IFT80: variants seen among roughly 807,000 people sequenced by gnomAD.
IFT80 encodes the protein intraflagellar transport protein 80 homolog.
Under a neutral mutation model 107.9 loss-of-function variants are expected in IFT80, and 79 were observed. The observed-to-expected ratio is 0.73, with a 90% CI of 0.61 to 0.88. The LOEUF (loss-of-function observed/expected upper bound fraction) is 0.88, where lower values mean the gene tolerates loss of function less well. IFT80 is among the 40% of genes least tolerant of loss of function. IFT80 has a pLI of 0.00. For missense variants in IFT80, 797 were observed against 914.2 expected (o/e 0.87, Z 1.65); for synonymous variants, 299 against 300.9 (o/e 0.99, Z 0.07).
At chr3:160,307,438 T>G (rs570354949) in intron 10 of IFT80, among the ~76,000 whole-genome samples, 1 of 152,334 alleles carries the variant, frequency 6.6e-6, no homozygotes, top group East Asian at 1.9e-4. Flanking sequence ...CATGAGCCAT[T>G]GCGCCTCGCT....
At chr3:160,293,127 T>C (rs1715699967) in intron 12 of IFT80, among the ~76,000 whole-genome samples, 1 of 152,206 alleles carries the variant, frequency 6.6e-6, no homozygotes, top group African/African-American at 2.4e-5. Flanking sequence ...AAATATTACA[T>C]TAATGCTTCA....
intron 6 of IFT80, among the ~76,000 whole-genome samples, chr3:160,360,817 T>C (rs1187485658): frequency 6.6e-6 from 1 of 152,126 alleles, no homozygotes; most frequent in East Asian, 1.9e-4. Context: ...CTGAGAGATT[T>C]TGTCACCACC....
At chr3:160,268,568 T>C (rs1416159035) in intron 18 of IFT80, 32 bp from the exon 19 acceptor site, 10 of 1,608,342 alleles carry the variant, frequency 6.2e-6, no homozygotes, top group South Asian at 4.4e-5. Context: ...ATTATTAACA[T>C]TGTTTGTGTC....
At chr3:160,396,356 A>C (rs927315009) in intron 1 of IFT80, among the ~76,000 whole-genome samples, 1 of 152,112 alleles carries the variant, frequency 6.6e-6, no homozygotes, top group African/African-American at 2.4e-5. Context: ...CATATTAGTT[A>C]ATATCTAATT....
chr3:160,282,425 C>A lies in IFT80; in HGVS notation c.1516+53G>T, dbSNP rs1714754013. The A allele has an allele frequency of 4.2e-6, 5 of 1,190,192 alleles. No homozygotes were observed. In the East Asian group the frequency reaches 1.0e-4, roughly 24 times the overall value. 73.7% of individuals were successfully genotyped at this position (1,190,192 alleles called of 1,614,324 possible). On this transcript the variant is annotated intron_variant, in intron 14 of 19. Coordinates refer to ENST00000326448, the MANE Select transcript of IFT80 (RefSeq NM_020800.3). ...GATTCATTCAAATTATTTATTACAGCAAATATAAGAAAGTTGACAATTAAA... is the reference window on the plus strand; with the variant it reads ...GATTCATTCAAATTATTTATTACAGAAAATATAAGAAAGTTGACAATTAAA...
intron 6 of IFT80, among the ~76,000 whole-genome samples, chr3:160,365,679 G>A (rs932863884): frequency 1.3e-5 from 2 of 152,000 alleles, no homozygotes; most frequent in Admixed American, 1.3e-4. Flanking sequence ...CACTAACTAA[G>A]AGATGTTCTC....
intron 1 of IFT80, among the ~76,000 whole-genome samples, chr3:160,386,807 G>T (rs1460008288): frequency 2.0e-5 from 3 of 152,176 alleles, no homozygotes; most frequent in Admixed American, 6.5e-5. Context: ...GAATATGAAG[G>T]CCAGTATGCC....
rs573764458 is a variant in IFT80, at chr3:160,361,740, C to A, written c.550-4162G>T. On this transcript the variant is annotated intron_variant, in intron 6 of 19. Coordinates refer to ENST00000326448, the MANE Select transcript of IFT80 (RefSeq NM_020800.3). ...AAGAAACTCACTCAAAACCACTCAA[C>A]TACATGGAAACTGAACAACCTGCTC... is the stretch of plus-strand genomic sequence containing the variant. Among the ~76,000 whole-genome samples, 65 of 152,306 alleles carry A rather than the reference C, an allele frequency of 4.3e-4. No individual in the cohort carries two copies. The East Asian group carries it at 0.012, about 28-fold the overall frequency.
At chr3:160,281,140 T>A (rs1354006275) in intron 14 of IFT80, among the ~76,000 whole-genome samples, 2 of 152,178 alleles carry the variant, frequency 1.3e-5, no homozygotes, top group African/African-American at 4.8e-5. Context: ...CAGTGAGGAA[T>A]ACCGTCCCCT....
chr3:160,319,754 T>G lies in IFT80; in HGVS notation c.957+6A>C, dbSNP rs767082485. The G allele has an allele frequency of 1.2e-6, 2 of 1,611,548 alleles. No individual in the cohort carries two copies. Among genetic ancestry groups the G allele is most frequent in the Non-Finnish European group, 1.7e-6 (2 of 1,178,114 alleles). On this transcript the variant is annotated splice_donor_region_variant and intron_variant, in intron 9 of 19. Transcript: ENST00000326448. The stretch of plus-strand genomic sequence containing the variant: ...AGGTTTAATCAACCTTGGAACATAA[T>G]AATACCTGCATGGCTCTTCTTTTCG...
At chr3:160,314,199 T>C (rs940732270) in intron 9 of IFT80, among the ~76,000 whole-genome samples, 6 of 152,318 alleles carry the variant, frequency 3.9e-5, no homozygotes, top group African/African-American at 1.4e-4. Flanking sequence ...ACATAAAATG[T>C]CCTGTAAGAA....
chr3:160,367,735 A>G (rs779244273), intron 5 of IFT80, among the ~76,000 whole-genome samples: 91 of 152,088 alleles, frequency 6.0e-4, no homozygotes, highest in Non-Finnish European at 1.1e-3. Context: ...TAGAGACGGT[A>G]TTTTTAAAAT....
chr3:160,336,470 C>G (rs888152929), intron 8 of IFT80, among the ~76,000 whole-genome samples: 1 of 151,982 alleles, frequency 6.6e-6, no homozygotes, highest in Non-Finnish European at 1.5e-5. Flanking sequence ...AAAAAATATA[C>G]AAAATATAGT....
At chr3:160,352,184 C>T (rs1253440922) in intron 8 of IFT80, among the ~76,000 whole-genome samples, 12 of 151,582 alleles carry the variant, frequency 7.9e-5, no homozygotes, top group African/African-American at 2.7e-4. Context: ...TTAGTAGAGA[C>T]GGGGTTTCAC....
chr3:160,370,987 G>A (rs1444167557), intron 5 of IFT80, among the ~76,000 whole-genome samples: 2 of 152,118 alleles, frequency 1.3e-5, no homozygotes, highest in African/African-American at 2.4e-5. Flanking sequence ...AAGGGAATCT[G>A]TCTAAAAGAT....
At chr3:160,318,554 G>C (rs867872847) in intron 9 of IFT80, among the ~76,000 whole-genome samples, 2 of 152,052 alleles carry the variant, frequency 1.3e-5, no homozygotes, top group African/African-American at 2.4e-5. Flanking sequence ...CACTGGGCTA[G>C]AGGCCCTGAA....
chr3:160,284,676 G>T (rs1363275211), intron 13 of IFT80, among the ~76,000 whole-genome samples: 1 of 152,158 alleles, frequency 6.6e-6, no homozygotes, highest in Non-Finnish European at 1.5e-5. Flanking sequence ...AACGGCAAAA[G>T]ATTGGAAACA....
At chr3:160,315,812 C>G (rs1717774424) in intron 9 of IFT80, among the ~76,000 whole-genome samples, 1 of 152,046 alleles carries the variant, frequency 6.6e-6, no homozygotes, top group Admixed American at 6.6e-5. Context: ...GATGCAATAA[C>G]CATAGAGTCT....
rs547366536 is a variant in IFT80, at chr3:160,347,438, A to ACCATACCT, written c.777+8567_777+8574dup. Reference sequence around the variant, plus strand: ...TGCCTATTCCACCATTTTCTGTGACACCATACCTCTTCTGCTCATTTTTAC... The same window carrying ACCATACCT: ...TGCCTATTCCACCATTTTCTGTGACACCATACCTCCATACCTCTTCTGCTCATTTTTAC... On this transcript the variant is annotated intron_variant, in intron 8 of 19. Coordinates refer to ENST00000326448, the MANE Select transcript of IFT80 (RefSeq NM_020800.3). 1.1e-4 allele frequency among the ~76,000 whole-genome samples: 17 copies of ACCATACCT among 152,200 alleles called. No homozygotes were observed. The South Asian group carries it at 3.3e-3, about 30-fold the overall frequency.
Sources: allele counts gnomAD v4.1 joint callset (sites outside exome capture counted in the v4.1 genomes callset), GRCh38; gene constraint gnomAD v4.1.1; transcripts MANE v1.5; gene names NCBI Gene and HGNC (gene_info 2026-07-23, HGNC 2026-07-21).